CIB3: variants seen among roughly 807,000 people sequenced by gnomAD.
CIB3 encodes calcium and integrin-binding family member 3.
CIB3 carries 22 observed loss-of-function variants against 23.4 expected under a neutral mutation model. The ratio of observed to expected loss-of-function variants is 0.94; its 90% CI spans 0.67 to 1.34. CIB3 has a LOEUF of 1.34. Among genes scored for constraint, CIB3 ranks in the 40% most tolerant of loss-of-function variants. CIB3 has a pLI of 0.00. For synonymous variants in CIB3, 93 were observed against 95.8 expected (o/e 0.97, Z 0.17); for missense variants, 258 against 247.3 (o/e 1.04, Z -0.29).
intron 2 of CIB3, 121 bp downstream of exon 2, chr19:16,173,041 T>TACACACACACACACAC (rs3076227): frequency 7.7e-6 from 6 of 784,006 alleles, no homozygotes; most frequent in African/African-American, 4.0e-5. Flanking sequence ...AAAGACTACT[T>TACACACACACACACAC]ACACACACAC....
chr19:16,162,147 C>T (rs1347998114), intron 5 of CIB3, among the ~76,000 whole-genome samples: 1 of 149,380 alleles, frequency 6.7e-6, no homozygotes, highest in East Asian at 2.0e-4. Context: ...TGACTCACCC[C>T]TGTAATCTCA....
At chr19:16,172,430 C>T (rs57236585) in intron 2 of CIB3, among the ~76,000 whole-genome samples, 2,217 of 151,790 alleles carry the variant, frequency 0.015, 33 homozygotes, top group Middle Eastern at 0.061. Context: ...GCTGGGATTA[C>T]AGGCATGAGC....
intron 2 of CIB3, 61 bp from the exon 3 acceptor site, chr19:16,169,802 C>T (rs2091320709): frequency 7.1e-7 from 1 of 1,408,530 alleles, no homozygotes; most frequent in South Asian, 1.4e-5. Context: ...AGACGCTTGT[C>T]CCTTCTTTGT....
chr19:16,165,512 C>T (rs1000840016), intron 4 of CIB3, among the ~76,000 whole-genome samples: 30 of 151,670 alleles, frequency 2.0e-4, no homozygotes, highest in Non-Finnish European at 3.7e-4. Flanking sequence ...GGCACGATCT[C>T]GGCTCACTGC....
chr19:16,162,886 C>CTTTTTTTT (rs373689760), intron 5 of CIB3, among the ~76,000 whole-genome samples: 2 of 102,428 alleles, frequency 2.0e-5, no homozygotes, highest in African/African-American at 7.5e-5. Flanking sequence ...CTTTTCTTTT[C>CTTTTTTTT]TTTTTTTTTT....
chr19:16,173,381 C>A, intron 1 of CIB3, 44 bp downstream of exon 1: 2 of 1,596,262 alleles, frequency 1.3e-6, no homozygotes, highest in Non-Finnish European at 8.6e-7. Flanking sequence ...ACCACGGAAC[C>A]AAAGTTGTCA....
In CIB3 at chr19:16,170,959, A is replaced by T. The variant is rs796698172; in HGVS notation, c.87-1218T>A. Among the ~76,000 whole-genome samples, 13 of 152,224 alleles carry T rather than the reference A, an allele frequency of 8.5e-5. 1 individual carries two copies. The highest frequency in any genetic ancestry group is 3.1e-4 in the African/African-American group (13 of 41,536). Reference sequence around the variant, plus strand: ...CAAGACCATCCTGGCTAACATGGTGAAACCCCGTCTCCACTAAAAATATAA... The same window carrying T: ...CAAGACCATCCTGGCTAACATGGTGTAACCCCGTCTCCACTAAAAATATAA... On this transcript the variant is annotated intron_variant, in intron 2 of 5. Transcript: ENST00000269878.
At position 16,168,290 on chromosome 19, in the gene CIB3, G is replaced by T. The variant is rs748300871; in HGVS notation, c.199-6C>A. On this transcript the variant is annotated splice_region_variant and splice_polypyrimidine_tract_variant and intron_variant, in intron 3 of 5. Coordinates refer to ENST00000269878, the MANE Select transcript of CIB3 (RefSeq NM_054113.4). ...CTCTGGCGGAAGGGGTTGTCCTGGG[G>T]ACAGAAAGGAAGCTGGGAGGCCATC... 1 of 1,613,504 alleles carries T rather than the reference G, an allele frequency of 6.2e-7. No individual in the cohort carries two copies. The highest frequency in any genetic ancestry group is 2.2e-5 in the East Asian group (1 of 44,870).
chr19:16,167,801 T>C (rs2145082034), intron 4 of CIB3, among the ~76,000 whole-genome samples: 1 of 152,144 alleles, frequency 6.6e-6, no homozygotes, highest in South Asian at 2.1e-4. Context: ...CACTGCACTC[T>C]AGCCTGGGCA....
rs571725583 is a variant in CIB3, at chr19:16,168,707, C to G, written c.199-423G>C. 1.4e-4 allele frequency among the ~76,000 whole-genome samples: 21 copies of G among 152,236 alleles called. No individual in the cohort carries two copies. In the East Asian group the frequency reaches 2.1e-3, roughly 15 times the overall value. ...AGTGGCTGAGAGGTCCCTTCACAGC[C>G]TCAAGAGGTGAGGCTGCCTTAGACT... On this transcript the variant is annotated intron_variant, in intron 3 of 5. Transcript: ENST00000269878.
At chr19:16,173,002 A>T (rs1207123306) in intron 2 of CIB3, among the ~76,000 whole-genome samples, 160 bp downstream of exon 2, 4 of 149,496 alleles carry the variant, frequency 2.7e-5, no homozygotes, top group Non-Finnish European at 5.9e-5. Context: ...AGGGAGGGAG[A>T]GAGAGAGAGA....
intron 3 of CIB3, among the ~76,000 whole-genome samples, 159 bp from the exon 4 acceptor site, chr19:16,168,443 C>T (rs983370625): frequency 1.3e-5 from 2 of 152,140 alleles, no homozygotes; most frequent in African/African-American, 4.8e-5. Context: ...TTGGACAACT[C>T]CACCCTCCAC....
chr19:16,164,722 G>A lies in CIB3; in HGVS notation c.538C>T (p.Leu180Phe). 6.2e-7 allele frequency: 1 copy of A among 1,613,688 alleles called. No homozygotes were observed. The highest frequency in any genetic ancestry group is 8.5e-7 in the Non-Finnish European group (1 of 1,179,702). The change falls in exon 5 of 6, where the codon CTC becomes TTC. Residue 180 changes from leucine (L) to phenylalanine (F), a missense_variant. By Grantham distance (22) the Leu-to-Phe change is conservative (BLOSUM62 0). Coordinates refer to ENST00000269878, the MANE Select transcript of CIB3 (RefSeq NM_054113.4). Reference sequence around the variant, plus strand: ...GGCGGTGACGGAGAGCATCACCTGAGGAAGTCTGGTGCCCGGAGGATCATG... The same window carrying A: ...GGCGGTGACGGAGAGCATCACCTGAAGAAGTCTGGTGCCCGGAGGATCATG... Reference protein sequence around the residue: ...QNMILRAPDFLSTFHIRI With the variant: ...QNMILRAPDFFSTFHIRI
At chr19:16,161,558 C>G in intron 5 of CIB3, 72 bp from the exon 6 acceptor site, 1 of 1,539,218 alleles carries the variant, frequency 6.5e-7, no homozygotes, top group Non-Finnish European at 9.0e-7. Context: ...CCCCTCAACA[C>G]GCTCACGGCA....
At chr19:16,164,693 T>G in intron 5 of CIB3, 25 bp downstream of exon 5, 1 of 1,606,876 alleles carries the variant, frequency 6.2e-7, no homozygotes, top group Non-Finnish European at 8.5e-7. Context: ...GCAAATGGAC[T>G]GTGGGCGGTG....
intron 5 of CIB3, among the ~76,000 whole-genome samples, chr19:16,162,474 G>A (rs887379587): frequency 1.1e-4 from 16 of 150,892 alleles, no homozygotes; most frequent in Admixed American, 4.6e-4. Flanking sequence ...AAAACAGGCC[G>A]GGCATGACGG....
intron 2 of CIB3, among the ~76,000 whole-genome samples, chr19:16,170,402 C>T (rs1181736254): frequency 6.6e-6 from 1 of 152,128 alleles, no homozygotes; most frequent in African/African-American, 2.4e-5. Flanking sequence ...TGCTTATGGC[C>T]AGATCACAGC....
chr19:16,168,034 C>A, intron 4 of CIB3, 103 bp downstream of exon 4: 1 of 1,433,130 alleles, frequency 7.0e-7, no homozygotes, highest in Middle Eastern at 2.5e-4. Flanking sequence ...CCACATAGGG[C>A]CTCAAAACCC....
At chr19:16,165,077 T>G in intron 4 of CIB3, among the ~76,000 whole-genome samples, 164 bp from the exon 5 acceptor site, 1 of 152,034 alleles carries the variant, frequency 6.6e-6, no homozygotes, top group East Asian at 1.9e-4. Flanking sequence ...GTGGAACACC[T>G]GAGGTCAGGA....
Sources: gnomAD v4.1 joint callset for allele counts (sites outside exome capture counted in the v4.1 genomes callset) on GRCh38, gnomAD v4.1.1 for gene constraint, MANE v1.5 for transcripts, NCBI Gene and HGNC (gene_info 2026-07-23, HGNC 2026-07-21) for gene names.